Variants in MARCHF1 observed in about 807,000 individuals in gnomAD.
The protein encoded by MARCHF1 is E3 ubiquitin-protein ligase MARCHF1.
A neutral mutation model predicts 54.2 loss-of-function variants in MARCHF1; 40 were observed. That is an observed-to-expected ratio of 0.74 (90% CI 0.57 to 0.96). The LOEUF (loss-of-function observed/expected upper bound fraction) is 0.96. MARCHF1 is among the 40% of genes least tolerant of loss of function. The pLI, the probability that MARCHF1 is intolerant of heterozygous loss-of-function variation, is 0.00. For synonymous variants in MARCHF1, 236 were observed against 236.3 expected, an observed-to-expected ratio of 1.00 and a Z score of 0.01; for missense variants, 586 against 656.5, an observed-to-expected ratio of 0.89 and a Z score of 1.17.
intron 4 of MARCHF1, among the ~76,000 whole-genome samples, chr4:163,758,000 A>G (rs1261459188): frequency 1.4e-4 from 22 of 152,206 alleles, no homozygotes; most frequent in Admixed American, 1.4e-3. Flanking sequence ...TAGTAAAAAA[A>G]TGCATGATGA....
chr4:164,334,264 T>C (rs879673243), intron 1 of MARCHF1, among the ~76,000 whole-genome samples: 22 of 152,274 alleles, frequency 1.4e-4, no homozygotes, highest in South Asian at 6.2e-4. Context: ...AGGAGTTTCA[T>C]AGATAGAGAG....
intron 1 of MARCHF1, among the ~76,000 whole-genome samples, chr4:164,210,343 C>G (rs1436372682): frequency 6.6e-6 from 1 of 152,088 alleles, no homozygotes; most frequent in Non-Finnish European, 1.5e-5. Context: ...AGATGCAGAA[C>G]AGAGATATCA....
intron 3 of MARCHF1, among the ~76,000 whole-genome samples, chr4:163,952,869 G>A (rs1415806292): frequency 6.6e-6 from 1 of 152,172 alleles, no homozygotes; most frequent in East Asian, 1.9e-4. Context: ...GAGAAGCTCT[G>A]AGGTTATCTT....
chr4:163,900,688 T>G (rs1750920863), intron 3 of MARCHF1, among the ~76,000 whole-genome samples: 1 of 152,204 alleles, frequency 6.6e-6, no homozygotes, highest in Non-Finnish European at 1.5e-5. Context: ...CTGGCATGGA[T>G]GAAAGAGTCT....
rs1268627662 is a variant in MARCHF1 at position 163,854,093 on chromosome 4, G to A, written c.39C>T (p.His13=). The change falls in exon 4 of 10, where the codon CAC becomes CAT. Residue 13 remains histidine (H), a synonymous_variant. Coordinates refer to ENST00000514618, the MANE Select transcript of MARCHF1 (RefSeq NM_001394959.1). Reference sequence around the variant, plus strand: ...GTGTTCGCGTGTTGTTTGGAATTCTGTGAGGGTTACGGGCTATCGCTTCAC... The same window carrying A: ...GTGTTCGCGTGTTGTTTGGAATTCTATGAGGGTTACGGGCTATCGCTTCAC... ...GWCEAIARNP[H]RIPNNTRTPE... is the part of the protein sequence containing the mutation. 1 of 1,536,696 alleles carries A rather than the reference G, an allele frequency of 6.5e-7. No homozygotes were observed. Among genetic ancestry groups the A allele is most frequent in the African/African-American group, 1.4e-5 (1 of 73,014 alleles).
intron 1 of MARCHF1, among the ~76,000 whole-genome samples, chr4:164,279,345 G>T (rs1417712224): frequency 6.6e-6 from 1 of 151,412 alleles, no homozygotes; most frequent in Non-Finnish European, 1.5e-5. Context: ...GATAAATAAG[G>T]TAAGAGTTCT....
chr4:164,119,847 G>A (rs895248618), intron 1 of MARCHF1, among the ~76,000 whole-genome samples: 2 of 151,752 alleles, frequency 1.3e-5, no homozygotes, highest in Non-Finnish European at 2.9e-5. Flanking sequence ...AATATAAAAA[G>A]TTATAAAATA....
rs531300229 is a variant in MARCHF1, at chr4:163,874,260, C to T, written c.-38-20091G>A. Among the ~76,000 whole-genome samples, 32 of 152,266 alleles carry T rather than the reference C, an allele frequency of 2.1e-4. No individual in the cohort carries two copies. The South Asian group carries it at 5.4e-3, about 26-fold the overall frequency. Reference sequence around the variant, plus strand: ...ATTATTAGAGATGTTTGGGCAGCCACGTGGCGGAAGTACACTCAGAAGTTT... The same window carrying T: ...ATTATTAGAGATGTTTGGGCAGCCATGTGGCGGAAGTACACTCAGAAGTTT... On this transcript the variant is annotated intron_variant, in intron 3 of 9. Coordinates refer to ENST00000514618, the MANE Select transcript of MARCHF1 (RefSeq NM_001394959.1).
intron 2 of MARCHF1, among the ~76,000 whole-genome samples, chr4:164,014,836 T>C (rs1215396523): frequency 6.6e-6 from 1 of 152,178 alleles, no homozygotes; most frequent in Non-Finnish European, 1.5e-5. Context: ...ATATAACAAT[T>C]ATAAATATAC....
intron 2 of MARCHF1, among the ~76,000 whole-genome samples, chr4:164,012,223 G>T (rs2110945195): frequency 6.6e-6 from 1 of 152,194 alleles, no homozygotes; most frequent in South Asian, 2.1e-4. Context: ...AACACCAACT[G>T]TGGTGTCCAA....
chr4:163,812,539 C>T (rs965845976), intron 4 of MARCHF1, among the ~76,000 whole-genome samples: 1 of 152,062 alleles, frequency 6.6e-6, no homozygotes, highest in Non-Finnish European at 1.5e-5. Flanking sequence ...GGGTGGATCA[C>T]CTGAGGTCAG....
At chr4:163,980,971 G>A (rs553285703) in intron 3 of MARCHF1, among the ~76,000 whole-genome samples, 24 of 152,252 alleles carry the variant, frequency 1.6e-4, no homozygotes, top group Admixed American at 4.6e-4. Context: ...TATGGAGCTC[G>A]CTTAGAAATC....
intron 1 of MARCHF1, among the ~76,000 whole-genome samples, chr4:164,194,913 G>A (rs926734085): frequency 1.5e-4 from 23 of 151,850 alleles, no homozygotes; most frequent in Admixed American, 3.3e-4. Context: ...ATCTACGTTA[G>A]GTATTTCTCC....
intron 5 of MARCHF1, among the ~76,000 whole-genome samples, chr4:163,675,871 T>C (rs1202252283): frequency 6.6e-6 from 1 of 152,138 alleles, no homozygotes; most frequent in Non-Finnish European, 1.5e-5. Context: ...AACACATTTT[T>C]CTTTAAAATA....
chr4:163,883,265 G>T (rs1439469764), intron 3 of MARCHF1, among the ~76,000 whole-genome samples: 1 of 145,174 alleles, frequency 6.9e-6, no homozygotes, highest in African/African-American at 2.6e-5. Context: ...ATATGAGAGA[G>T]AGAGAGAGAG....
intron 4 of MARCHF1, among the ~76,000 whole-genome samples, chr4:163,763,255 C>T (rs953082836): frequency 3.3e-5 from 5 of 152,024 alleles, no homozygotes; most frequent in African/African-American, 1.2e-4. Context: ...TGTACTCTGT[C>T]CTTACTTCTA....
At chr4:163,966,643 G>A (rs1243642894) in intron 3 of MARCHF1, among the ~76,000 whole-genome samples, 1 of 152,104 alleles carries the variant, frequency 6.6e-6, no homozygotes, top group Admixed American at 6.6e-5. Flanking sequence ...GTCAGGCACT[G>A]TCCTAAACAC....
intron 4 of MARCHF1, among the ~76,000 whole-genome samples, chr4:163,853,519 T>C (rs1749693818): frequency 6.6e-6 from 1 of 152,238 alleles, no homozygotes; most frequent in African/African-American, 2.4e-5. Flanking sequence ...GAGCACATTC[T>C]TGAATTGGTC....
At chr4:163,533,700 T>A (rs895477753) in intron 9 of MARCHF1, among the ~76,000 whole-genome samples, 1 of 148,100 alleles carries the variant, frequency 6.8e-6, no homozygotes, top group African/African-American at 2.5e-5. Context: ...TATATATTTA[T>A]ATATATTAGC....
Sources: allele counts gnomAD v4.1 joint callset (sites outside exome capture counted in the v4.1 genomes callset), GRCh38; gene constraint gnomAD v4.1.1; transcripts MANE v1.5; gene names NCBI Gene and HGNC (gene_info 2026-07-23, HGNC 2026-07-21).